The following SH3RF3 variants were observed in gnomAD, a reference collection of about 807,000 sequenced individuals.
The protein encoded by SH3RF3 is E3 ubiquitin-protein ligase SH3RF3.
SH3RF3 carries 29 observed loss-of-function variants against 66.3 expected under a neutral mutation model. The observed-to-expected ratio is 0.44, with a 90% CI of 0.33 to 0.60. SH3RF3 has a LOEUF of 0.60. SH3RF3 is among the 20% of genes least tolerant of loss of function. The pLI is 0.04. For synonymous variants in SH3RF3, 583 were observed against 532.0 expected, an observed-to-expected ratio of 1.10 and a Z score of -1.32; for missense variants, 1,194 against 1,190.9, an observed-to-expected ratio of 1.00 and a Z score of -0.04.
intron 3 of SH3RF3, among the ~76,000 whole-genome samples, chr2:109,379,289 C>T (rs982535395): frequency 2.6e-5 from 4 of 152,246 alleles, no homozygotes; most frequent in Admixed American, 2.6e-4. Context: ...ATCTCTCCAG[C>T]TTCAGTGCCA....
At chr2:109,336,434 C>T (rs1405238892) in intron 1 of SH3RF3, among the ~76,000 whole-genome samples, 1 of 152,190 alleles carries the variant, frequency 6.6e-6, no homozygotes, top group Non-Finnish European at 1.5e-5. Context: ...GGGAAGCTGC[C>T]ACCAATAAGT....
At chr2:109,387,053 A>G (rs1194848596) in intron 3 of SH3RF3, among the ~76,000 whole-genome samples, 2 of 152,220 alleles carry the variant, frequency 1.3e-5, no homozygotes, top group African/African-American at 4.8e-5. Context: ...AAAATCACCC[A>G]TAATCCTACC....
intron 1 of SH3RF3, among the ~76,000 whole-genome samples, chr2:109,225,244 GA>G (rs756394612): frequency 6.6e-6 from 1 of 152,138 alleles, no homozygotes; most frequent in Non-Finnish European, 1.5e-5. Flanking sequence ...TTTTAATAAC[GA>G]TAATAATAAA....
chr2:109,129,255 G>A lies in SH3RF3; in HGVS notation c.-286G>A. ...GGCAGCACCCCCGGTCCCCCGCGCG[G>A]GGCGGACTTGCGGCGGGACAGGTGT... is the stretch of plus-strand genomic sequence containing the variant. On this transcript the variant is annotated 5_prime_UTR_variant, in exon 1 of 10. Transcript: ENST00000309415. 1 of 586,274 alleles carries A rather than the reference G, an allele frequency of 1.7e-6. No individual in the cohort carries two copies. The highest frequency in any genetic ancestry group is 3.0e-6 in the Non-Finnish European group (1 of 329,968). 36.3% of individuals were successfully genotyped at this position (586,274 alleles called of 1,614,324 possible).
chr2:109,131,532 TG>T (rs1339725886), intron 1 of SH3RF3, among the ~76,000 whole-genome samples: 1 of 152,248 alleles, frequency 6.6e-6, no homozygotes, highest in Non-Finnish European at 1.5e-5. Flanking sequence ...AGTAAAACGC[TG>T]GGACATTCTG....
intron 2 of SH3RF3, among the ~76,000 whole-genome samples, chr2:109,351,337 C>T (rs978633776): frequency 3.3e-5 from 5 of 152,200 alleles, no homozygotes; most frequent in Admixed American, 1.3e-4. Flanking sequence ...AGGAGCACCT[C>T]GCCTTCCCAG....
At chr2:109,251,883 G>C (rs942520901) in intron 1 of SH3RF3, among the ~76,000 whole-genome samples, 1 of 152,014 alleles carries the variant, frequency 6.6e-6, no homozygotes, top group African/African-American at 2.4e-5. Flanking sequence ...TGGGTTCCAG[G>C]GTTCTAGACT....
At chr2:109,454,062 G>A (rs1041682186) in intron 8 of SH3RF3, among the ~76,000 whole-genome samples, 54 of 152,168 alleles carry the variant, frequency 3.5e-4, no homozygotes, top group South Asian at 2.1e-4. Flanking sequence ...AAATACTATC[G>A]TATAATAATC....
At chr2:109,187,996 G>T (rs753001962) in intron 1 of SH3RF3, among the ~76,000 whole-genome samples, 1 of 152,156 alleles carries the variant, frequency 6.6e-6, no homozygotes, top group South Asian at 2.1e-4. Context: ...GGCACAGCGG[G>T]GGTTGCCTCT....
At chr2:109,351,099 A>G (rs1280610667) in intron 2 of SH3RF3, among the ~76,000 whole-genome samples, 1 of 152,256 alleles carries the variant, frequency 6.6e-6, no homozygotes, top group East Asian at 1.9e-4. Flanking sequence ...AGCTTTAAAA[A>G]GTGATATTTT....
chr2:109,132,878 C>A lies in SH3RF3; in HGVS notation c.573+2765C>A, dbSNP rs529289497. Among the ~76,000 whole-genome samples, 3 of 152,304 alleles carry A rather than the reference C, an allele frequency of 2.0e-5. No homozygotes were observed. The East Asian group carries it at 5.8e-4, about 29-fold the overall frequency. On this transcript the variant is annotated intron_variant, in intron 1 of 9. Coordinates refer to ENST00000309415, the MANE Select transcript of SH3RF3 (RefSeq NM_001099289.3). ...TTGCTAAAAGAGTTTTGTGGTTCCA[C>A]ATTGAGTAATTCAAAACATGCTTTT...
At chr2:109,164,576 T>C (rs1479731201) in intron 1 of SH3RF3, among the ~76,000 whole-genome samples, 1 of 152,196 alleles carries the variant, frequency 6.6e-6, no homozygotes, top group African/African-American at 2.4e-5. Context: ...ATTCAAACTT[T>C]CACCTTTTCT....
chr2:109,169,032 G>A (rs1474920056), intron 1 of SH3RF3, among the ~76,000 whole-genome samples: 1 of 152,164 alleles, frequency 6.6e-6, no homozygotes, highest in East Asian at 1.9e-4. Context: ...ACTCTCCCTT[G>A]GTCACTGAGG....
chr2:109,490,778 G>A lies in SH3RF3; in HGVS notation c.2322G>A (p.Gly774=). 1 of 1,536,936 alleles carries A rather than the reference G, an allele frequency of 6.5e-7. No homozygotes were observed. The highest frequency in any genetic ancestry group is 8.7e-7 in the Non-Finnish European group (1 of 1,146,770). Residue 774 remains glycine, a synonymous_variant, in exon 9 of 10, where the codon GGG becomes GGA. Coordinates refer to ENST00000309415, the MANE Select transcript of SH3RF3 (RefSeq NM_001099289.3). ...VSSLSIHGRA[G]SCPIESEMQG... ...CACTGTCCATCCACGGCAGGGCAGG[G>A]TCCTGCCCCATAGAGAGCGAGATGC...
intron 1 of SH3RF3, among the ~76,000 whole-genome samples, chr2:109,342,840 G>A (rs143754688): frequency 2.6e-5 from 4 of 152,356 alleles, no homozygotes; most frequent in Non-Finnish European, 5.9e-5. Flanking sequence ...TCTGAGTAAT[G>A]AGCCATGAAA....
chr2:109,375,856 G>A (rs771269960), intron 3 of SH3RF3, among the ~76,000 whole-genome samples: 14 of 152,260 alleles, frequency 9.2e-5, no homozygotes, highest in Non-Finnish European at 1.5e-4. Flanking sequence ...AGGACCATGA[G>A]CAGCCCATGG....
chr2:109,478,342 G>A (rs542204728), intron 8 of SH3RF3, among the ~76,000 whole-genome samples: 3 of 152,310 alleles, frequency 2.0e-5, no homozygotes, highest in African/African-American at 7.2e-5. Context: ...TGTCCTTTGA[G>A]TAAAATCCTT....
chr2:109,320,225 T>C (rs1681989549), intron 1 of SH3RF3, among the ~76,000 whole-genome samples: 1 of 152,110 alleles, frequency 6.6e-6, no homozygotes, highest in South Asian at 2.1e-4. Context: ...CTAATTCCAT[T>C]TTTGAGGGCT....
At chr2:109,440,799 C>A (rs559302922) in intron 7 of SH3RF3, among the ~76,000 whole-genome samples, 23 of 152,240 alleles carry the variant, frequency 1.5e-4, no homozygotes, top group African/African-American at 5.5e-4. Context: ...GCAGAGCACG[C>A]CCTGAGATCT....
Sources: gnomAD v4.1 joint callset for allele counts (sites outside exome capture counted in the v4.1 genomes callset) on GRCh38, gnomAD v4.1.1 for gene constraint, MANE v1.5 for transcripts, NCBI Gene and HGNC (gene_info 2026-07-23, HGNC 2026-07-21) for gene names.